Variants in SV2C observed in about 807,000 individuals in gnomAD.
SV2C encodes the protein solute carrier family 22 member B3.
In SV2C, 49 loss-of-function variants were observed where a neutral mutation model predicts 79.7. The observed-to-expected ratio is 0.61, with a 90% CI of 0.49 to 0.78. The LOEUF is 0.78. Ranked by LOEUF, SV2C falls within the 30% of genes least tolerant of loss-of-function variation. SV2C has a pLI of 0.00. For synonymous variants in SV2C, 334 were observed against 333.2 expected, an observed-to-expected ratio of 1.00 and a Z score of -0.03; for missense variants, 833 against 912.9, an observed-to-expected ratio of 0.91 and a Z score of 1.13.
chr5:76,250,242 G>A (rs936451819), intron 4 of SV2C, among the ~76,000 whole-genome samples: 7 of 151,830 alleles, frequency 4.6e-5, no homozygotes, highest in African/African-American at 1.7e-4. Context: ...AAACCTAACT[G>A]GTAAATTAAA....
At chr5:75,869,370 T>G in the SV2C span, among the ~76,000 whole-genome samples, 3 of 152,146 alleles carry the variant, frequency 2.0e-5, no homozygotes, top group African/African-American at 7.2e-5. Context: ...AGTCTGGCAG[T>G]ATTCCCGGTG....
the SV2C span, among the ~76,000 whole-genome samples, chr5:76,044,838 G>T: frequency 1.4e-4 from 21 of 152,190 alleles, no homozygotes; most frequent in African/African-American, 5.1e-4. Context: ...TGGATAGATT[G>T]CAAAACTTTT....
At position 76,321,746 on chromosome 5, in the gene SV2C, GAA is replaced by G. The variant is rs5868820; in HGVS notation, c.2001-3602_2001-3601del. On this transcript the variant is annotated intron_variant, in intron 12 of 12. Coordinates refer to ENST00000502798, the MANE Select transcript of SV2C (RefSeq NM_014979.4). ...ACATGAGCGAGACCCTATCATCTCT[GAA>G]AAAAAAAAAAAAAAATTAAGTTTTC... 3.4e-3 allele frequency among the ~76,000 whole-genome samples: 454 copies of G among 132,644 alleles called. 1 individual carries two copies. The highest frequency in any genetic ancestry group is 0.011 in the African/African-American group (395 of 35,746). 87.0% of individuals were successfully genotyped at this position (132,644 alleles called of 152,430 possible).
intron 7 of SV2C, among the ~76,000 whole-genome samples, 157 bp downstream of exon 7, chr5:76,291,488 G>A (rs1580033032): frequency 6.6e-6 from 1 of 152,144 alleles, no homozygotes; most frequent in South Asian, 2.1e-4. Flanking sequence ...GATCCCACTC[G>A]ACCAGCATTT....
chr5:76,101,998 A>G (rs1209775823), intron 1 of SV2C, among the ~76,000 whole-genome samples: 2 of 152,142 alleles, frequency 1.3e-5, no homozygotes, highest in East Asian at 1.9e-4. Context: ...GGTCACTGTC[A>G]TCTCTCACTT....
chr5:76,342,205 G>A (rs1749455564), intron 12 of SV2C, among the ~76,000 whole-genome samples: 1 of 152,182 alleles, frequency 6.6e-6, no homozygotes. Context: ...ACACAGTACA[G>A]AGCCTGGCAG....
chr5:76,016,707 A>G, the SV2C span, among the ~76,000 whole-genome samples: 2 of 152,220 alleles, frequency 1.3e-5, no homozygotes, highest in Non-Finnish European at 2.9e-5. Context: ...AGAAAGTAAC[A>G]TAAAGCATCT....
chr5:76,165,332 A>AT (rs562503470), intron 2 of SV2C, among the ~76,000 whole-genome samples: 15 of 151,292 alleles, frequency 9.9e-5, no homozygotes, highest in East Asian at 3.9e-4. Context: ...GGATTTCACC[A>AT]TTTTTTTTTA....
At chr5:76,156,652 A>G (rs1222447404) in intron 2 of SV2C, among the ~76,000 whole-genome samples, 1 of 152,222 alleles carries the variant, frequency 6.6e-6, no homozygotes, top group Non-Finnish European at 1.5e-5. Flanking sequence ...AAGGAAACCC[A>G]TGATTAAATA....
downstream of SV2C, among the ~76,000 whole-genome samples, chr5:76,336,103 A>AC (rs746216500): frequency 0.011 from 497 of 43,518 alleles, 15 homozygotes; most frequent in African/African-American, 0.02. Context: ...CGGGGGTCTG[A>AC]CCCCCCCCAC....
chr5:76,046,695 GA>G, the SV2C span, among the ~76,000 whole-genome samples: 58 of 150,356 alleles, frequency 3.9e-4, no homozygotes, highest in South Asian at 4.0e-3. Context: ...ATTTTTAAAA[GA>G]AAAAAAAAAT....
intron 2 of SV2C, among the ~76,000 whole-genome samples, chr5:76,170,029 G>A (rs116740445): frequency 0.02 from 3,070 of 152,168 alleles, 49 homozygotes; most frequent in African/African-American, 0.029. Flanking sequence ...ATGTTGATGT[G>A]ACAACCAGTC....
chr5:75,978,844 C>T, the SV2C span, among the ~76,000 whole-genome samples: 1 of 151,994 alleles, frequency 6.6e-6, no homozygotes, highest in South Asian at 2.1e-4. Context: ...CCTGTAATTC[C>T]ACCACTTTGA....
At chr5:76,105,750 G>C (rs1256449286) in intron 1 of SV2C, among the ~76,000 whole-genome samples, 1 of 152,092 alleles carries the variant, frequency 6.6e-6, no homozygotes, top group Non-Finnish European at 1.5e-5. Context: ...CTCCCTGATA[G>C]TCTTTCACCA....
intron 12 of SV2C, among the ~76,000 whole-genome samples, chr5:76,310,778 G>A (rs1288185176): frequency 6.6e-6 from 1 of 152,164 alleles, no homozygotes; most frequent in African/African-American, 2.4e-5. Flanking sequence ...GTTGGAGTCT[G>A]GGGGTAAATC....
At chr5:75,883,858 A>G in the SV2C span, among the ~76,000 whole-genome samples, 4 of 151,798 alleles carry the variant, frequency 2.6e-5, no homozygotes, top group Non-Finnish European at 4.4e-5. Flanking sequence ...AAAAAAACAA[A>G]AAAAAAACAT....
chr5:76,031,586 C>A, the SV2C span, among the ~76,000 whole-genome samples: 1 of 152,170 alleles, frequency 6.6e-6, no homozygotes, highest in African/African-American at 2.4e-5. Context: ...GTGCTTAACC[C>A]TCTCAAACCC....
intron 1 of SV2C, among the ~76,000 whole-genome samples, chr5:76,095,945 A>G (rs529026949): frequency 2.0e-5 from 3 of 152,318 alleles, no homozygotes; most frequent in African/African-American, 7.2e-5. Context: ...AAAAGGATAA[A>G]TGAATTCTGA....
At chr5:75,980,811 G>A in the SV2C span, among the ~76,000 whole-genome samples, 1 of 152,100 alleles carries the variant, frequency 6.6e-6, no homozygotes, top group Non-Finnish European at 1.5e-5. Flanking sequence ...ACAAGGAAAG[G>A]ATGCTCTTTC....
Sources: gnomAD v4.1 joint callset for allele counts (sites outside exome capture counted in the v4.1 genomes callset) on GRCh38, gnomAD v4.1.1 for gene constraint, MANE v1.5 for transcripts, NCBI Gene and HGNC (gene_info 2026-07-23, HGNC 2026-07-21) for gene names.